SGCZ: variants seen among roughly 807,000 people sequenced by gnomAD.
SGCZ encodes zeta-sarcoglycan.
SGCZ carries 40 observed loss-of-function variants against 41.3 expected under a neutral mutation model. The ratio of observed to expected loss-of-function variants is 0.97; its 90% CI spans 0.75 to 1.26. The LOEUF (loss-of-function observed/expected upper bound fraction) is 1.26, where lower values mean the gene tolerates loss of function less well. SGCZ is among the 50% of genes most tolerant of loss of function. The pLI, the probability that SGCZ is intolerant of heterozygous loss-of-function variation, is 0.00. For synonymous variants in SGCZ, 206 were observed against 137.5 expected, an observed-to-expected ratio of 1.50 and a Z score of -3.49; for missense variants, 552 against 369.8, an observed-to-expected ratio of 1.49 and a Z score of -4.04.
At chr8:14,908,977 CATT>C (rs1366569139) in intron 1 of SGCZ, among the ~76,000 whole-genome samples, 1 of 152,062 alleles carries the variant, frequency 6.6e-6, no homozygotes, top group African/African-American at 2.4e-5. Flanking sequence ...TATTTTATGT[CATT>C]ATTTCTCTCC....
intron 1 of SGCZ, among the ~76,000 whole-genome samples, chr8:14,571,422 G>T (rs1187091885): frequency 6.6e-6 from 1 of 152,092 alleles, no homozygotes; most frequent in Admixed American, 6.5e-5. Flanking sequence ...ACCTGTCCAC[G>T]GAGGCAGGCA....
intron 2 of SGCZ, among the ~76,000 whole-genome samples, chr8:14,460,401 T>C (rs1800868324): frequency 6.6e-6 from 1 of 152,116 alleles, no homozygotes; most frequent in Non-Finnish European, 1.5e-5. Flanking sequence ...ATCAATTAAA[T>C]TTATCAATAT....
chr8:14,854,047 A>ATATATG (rs1803453186), intron 1 of SGCZ, among the ~76,000 whole-genome samples: 1 of 139,742 alleles, frequency 7.2e-6, no homozygotes, highest in Admixed American at 7.1e-5. Flanking sequence ...ATATATATAT[A>ATATATG]TATATATATC....
At chr8:14,981,414 G>C (rs1364374936) in intron 1 of SGCZ, among the ~76,000 whole-genome samples, 2 of 152,130 alleles carry the variant, frequency 1.3e-5, no homozygotes, top group African/African-American at 2.4e-5. Context: ...GAATCAACTG[G>C]TAAAATTTTC....
chr8:14,164,507 T>C, intron 5 of SGCZ, 73 bp downstream of exon 5: 1 of 1,568,982 alleles, frequency 6.4e-7, no homozygotes, highest in Non-Finnish European at 8.7e-7. Flanking sequence ...ATCCATCTTA[T>C]TAAGAAGCTC....
intron 1 of SGCZ, among the ~76,000 whole-genome samples, chr8:14,947,203 G>T (rs547089860): frequency 6.6e-6 from 1 of 152,136 alleles, no homozygotes. Flanking sequence ...CGTAAGCGAA[G>T]GAATGAGCAC....
At chr8:15,183,126 C>A (rs1210753446) in intron 1 of SGCZ, among the ~76,000 whole-genome samples, 1 of 151,960 alleles carries the variant, frequency 6.6e-6, no homozygotes, top group African/African-American at 2.4e-5. Flanking sequence ...GAAATACCTC[C>A]TGAAGGACCT....
intron 1 of SGCZ, among the ~76,000 whole-genome samples, chr8:15,050,637 G>A (rs1237573692): frequency 6.6e-6 from 1 of 152,144 alleles, no homozygotes; most frequent in Non-Finnish European, 1.5e-5. Context: ...TTTCAACATG[G>A]AGGTCAACCT....
Position 14,085,464 on chromosome 8 carries a change from T to G in SGCZ, c.*4979A>C, listed in dbSNP as rs1396759301. On this transcript the variant is annotated 3_prime_UTR_variant, in exon 8 of 8. Transcript: ENST00000382080. Reference sequence around the variant, plus strand: ...ACGCAAACAAATGAGATACTAAGACTGAAAAAAACAAAAAATAACTACAGT... The same window carrying G: ...ACGCAAACAAATGAGATACTAAGACGGAAAAAAACAAAAAATAACTACAGT... Among the ~76,000 whole-genome samples, 1 of 151,700 alleles carries G rather than the reference T, an allele frequency of 6.6e-6. No homozygotes were observed. The highest frequency in any genetic ancestry group is 2.4e-5 in the African/African-American group (1 of 41,384).
chr8:14,198,669 G>T (rs554245150), intron 4 of SGCZ, among the ~76,000 whole-genome samples: 1 of 152,234 alleles, frequency 6.6e-6, no homozygotes, highest in East Asian at 1.9e-4. Flanking sequence ...AAATTGTGCT[G>T]CTAATATTCT....
intron 1 of SGCZ, among the ~76,000 whole-genome samples, chr8:15,071,535 A>G (rs1805350190): frequency 1.3e-5 from 2 of 152,202 alleles, no homozygotes; most frequent in South Asian, 4.1e-4. Flanking sequence ...AGGATCAAAT[A>G]AAACATTAGA....
intron 2 of SGCZ, among the ~76,000 whole-genome samples, chr8:14,466,184 T>C (rs561604794): frequency 6.6e-6 from 1 of 152,096 alleles, no homozygotes; most frequent in South Asian, 2.1e-4. Context: ...TCAGCTTTTC[T>C]TTATCCGAGA....
chr8:14,773,567 A>G (rs1800312100), intron 1 of SGCZ, among the ~76,000 whole-genome samples: 1 of 152,208 alleles, frequency 6.6e-6, no homozygotes, highest in Admixed American at 6.5e-5. Context: ...AGATAGTTTT[A>G]TGCCCTTCTG....
At chr8:14,927,131 C>T (rs1427059984) in intron 1 of SGCZ, among the ~76,000 whole-genome samples, 2 of 106,790 alleles carry the variant, frequency 1.9e-5, no homozygotes, top group East Asian at 2.8e-4. Context: ...TTTTGTGAGG[C>T]AGAGTCTCGC....
intron 1 of SGCZ, among the ~76,000 whole-genome samples, chr8:15,051,461 G>A (rs1804510628): frequency 6.6e-6 from 1 of 152,010 alleles, no homozygotes; most frequent in Non-Finnish European, 1.5e-5. Context: ...TATAAATCAT[G>A]ATGCTGTGAG....
chr8:15,022,768 T>C (rs563234516), intron 1 of SGCZ, among the ~76,000 whole-genome samples: 1 of 152,364 alleles, frequency 6.6e-6, no homozygotes, highest in South Asian at 2.1e-4. Context: ...TCATATTCAA[T>C]GTAGCTATTT....
intron 2 of SGCZ, among the ~76,000 whole-genome samples, chr8:14,456,925 G>A (rs1800762443): frequency 6.6e-6 from 1 of 152,110 alleles, no homozygotes; most frequent in Non-Finnish European, 1.5e-5. Context: ...CTTTTTCAGT[G>A]TCACATGGCT....
intron 1 of SGCZ, among the ~76,000 whole-genome samples, chr8:15,157,608 G>A (rs1350812993): frequency 1.3e-5 from 2 of 152,076 alleles, no homozygotes; most frequent in African/African-American, 4.8e-5. Flanking sequence ...CTAATGTCCT[G>A]GTTCTACTAG....
At chr8:14,702,834 T>C (rs369720128) in intron 1 of SGCZ, among the ~76,000 whole-genome samples, 9,912 of 108,474 alleles carry the variant, frequency 0.091, 573 homozygotes, top group South Asian at 0.14. Context: ...GATAGATAGA[T>C]AGATAGATAG....
Sources: allele counts gnomAD v4.1 joint callset (sites outside exome capture counted in the v4.1 genomes callset), GRCh38; gene constraint gnomAD v4.1.1; transcripts MANE v1.5; gene names NCBI Gene and HGNC (gene_info 2026-07-23, HGNC 2026-07-21).